Variants in ABI1 observed in about 807,000 individuals in gnomAD.
ABI1 encodes abl interactor 1, also known as Abelson interactor 1.
In ABI1, 14 loss-of-function variants were observed where a neutral mutation model predicts 54.6. The observed-to-expected ratio is 0.26, with a 90% confidence interval of 0.17 to 0.40. ABI1 has a LOEUF of 0.40. Ranked by LOEUF, ABI1 falls within the 10% of genes least tolerant of loss-of-function variation. ABI1 has a pLI of 1.00. For synonymous variants in ABI1, 194 were observed against 209.3 expected (o/e 0.93, Z 0.63); for missense variants, 443 against 598.3 (o/e 0.74, Z 2.71).
At chr10:26,844,822 G>T (rs1168727036) in intron 1 of ABI1, among the ~76,000 whole-genome samples, 1 of 152,156 alleles carries the variant, frequency 6.6e-6, no homozygotes, top group Admixed American at 6.5e-5. Context: ...CTTCACCAAG[G>T]CTTGCTGATT....
intron 9 of ABI1, 58 bp from the exon 10 acceptor site, chr10:26,751,841 A>C: frequency 6.9e-7 from 1 of 1,440,144 alleles, no homozygotes; most frequent in South Asian, 1.4e-5. Context: ...GAAACTTATA[A>C]GTTAACAGAA....
Position 26,828,232 on chromosome 10 carries a change from A to G in ABI1, c.118-4927T>C, listed in dbSNP as rs77644641. 6.0e-4 allele frequency among the ~76,000 whole-genome samples: 92 copies of G among 152,326 alleles called. 8 individuals are homozygous for G. In the East Asian group the frequency reaches 0.017, roughly 29 times the overall value. On this transcript the variant is annotated intron_variant, in intron 1 of 10. Transcript: ENST00000376140. ...GTTGGTGGTACAGTCAGAACATACAACAATTACTAAGTTCACCATCTCACA... is the reference window on the plus strand; with the variant it reads ...GTTGGTGGTACAGTCAGAACATACAGCAATTACTAAGTTCACCATCTCACA...
At chr10:26,812,926 C>A (rs1339591120) in intron 2 of ABI1, among the ~76,000 whole-genome samples, 1 of 152,042 alleles carries the variant, frequency 6.6e-6, no homozygotes, top group Non-Finnish European at 1.5e-5. Context: ...CCAGTAAGTG[C>A]CAAAGAAGAG....
At chr10:26,855,586 C>A (rs369189514) in intron 1 of ABI1, among the ~76,000 whole-genome samples, 1 of 152,162 alleles carries the variant, frequency 6.6e-6, no homozygotes, top group African/African-American at 2.4e-5. Flanking sequence ...CAATGGAGTA[C>A]GTATTCAATA....
At chr10:26,750,791 A>G (rs542697979) in intron 10 of ABI1, among the ~76,000 whole-genome samples, 1 of 152,356 alleles carries the variant, frequency 6.6e-6, no homozygotes, top group East Asian at 1.9e-4. Flanking sequence ...TAAAAACTAG[A>G]AACAGGATTT....
At chr10:26,769,424 A>T (rs1343525551) in intron 5 of ABI1, among the ~76,000 whole-genome samples, 3 of 152,168 alleles carry the variant, frequency 2.0e-5, no homozygotes, top group Non-Finnish European at 2.9e-5. Context: ...ATACATTCTA[A>T]TCATTACTTT....
At chr10:26,761,661 T>TATATATATATATATACACACAC (rs1375832167) in intron 7 of ABI1, among the ~76,000 whole-genome samples, 2 of 78,934 alleles carry the variant, frequency 2.5e-5, no homozygotes, top group Non-Finnish European at 4.7e-5. Flanking sequence ...TATATATATA[T>TATATATATATATATACACACAC]ACACACACAC....
chr10:26,756,825 T>C (rs897007305), intron 8 of ABI1, among the ~76,000 whole-genome samples: 1 of 152,104 alleles, frequency 6.6e-6, no homozygotes, highest in Non-Finnish European at 1.5e-5. Flanking sequence ...AATCAAAAGG[T>C]TGTTTCAATT....
At chr10:26,758,249 A>G (rs1425705525) in intron 8 of ABI1, among the ~76,000 whole-genome samples, 2 of 152,164 alleles carry the variant, frequency 1.3e-5, no homozygotes, top group Non-Finnish European at 2.9e-5. Flanking sequence ...AAGAGCCACA[A>G]AAGCCATGTA....
At chr10:26,839,959 C>A (rs555332226) in intron 1 of ABI1, among the ~76,000 whole-genome samples, 1 of 151,990 alleles carries the variant, frequency 6.6e-6, no homozygotes, top group Admixed American at 6.6e-5. Context: ...GACTGCACTC[C>A]AGCCGGGGTG....
chr10:26,811,790 G>A (rs866790836), intron 2 of ABI1, among the ~76,000 whole-genome samples: 1 of 129,548 alleles, frequency 7.7e-6, no homozygotes, highest in Non-Finnish European at 1.7e-5. Flanking sequence ...TTTATGCAAA[G>A]ATTTGTATAA....
intron 7 of ABI1, among the ~76,000 whole-genome samples, chr10:26,760,708 GGC>G (rs1839011006): frequency 6.6e-6 from 1 of 151,820 alleles, no homozygotes; most frequent in South Asian, 2.1e-4. Context: ...TGGCCATCAT[GGC>G]GAAAACCCGT....
rs117086430 is a variant in ABI1 at position 26,798,470 on chromosome 10, T to C, written c.286-21229A>G. Among the ~76,000 whole-genome samples, 755 of 152,148 alleles carry C rather than the reference T, an allele frequency of 5.0e-3. 5 individuals carry two copies. Among genetic ancestry groups the C allele is most frequent in the Middle Eastern group, 0.014 (4 of 294 alleles). On this transcript the variant is annotated intron_variant, in intron 2 of 10. Coordinates refer to ENST00000376140, the MANE Select transcript of ABI1 (RefSeq NM_001012750.3). ...ATGCGCCAAAAGTGCAGGTGGCCTC[T>C]AGAAGCTGAAAAAAGGCAAGGGAAC...
intron 1 of ABI1, among the ~76,000 whole-genome samples, chr10:26,829,064 A>C (rs2133882621): frequency 6.6e-6 from 1 of 151,698 alleles, no homozygotes; most frequent in South Asian, 2.1e-4. Context: ...ATCTCTACTA[A>C]AAATACAAAA....
At chr10:26,766,704 T>G (rs1839995406) in intron 6 of ABI1, among the ~76,000 whole-genome samples, 1 of 152,222 alleles carries the variant, frequency 6.6e-6, no homozygotes, top group Non-Finnish European at 1.5e-5. Flanking sequence ...TCAATTACTG[T>G]CTTTTTTCCA....
Position 26,751,622 on chromosome 10 carries a change from C to T in ABI1, c.1246G>A (p.Ala416Thr). Residue 416 changes from alanine (A) to threonine (T), a missense_variant, in exon 10 of 11, where the codon GCC (alanine) becomes ACC (threonine). By Grantham distance (58) the Ala-to-Thr change is moderately conservative (BLOSUM62 0). This residue lies in a region of ABI1 where 49 missense variants were observed against 113.5 expected (regional missense o/e 0.43). Coordinates refer to ENST00000376140, the MANE Select transcript of ABI1 (RefSeq NM_001012750.3). ...CCTTTCTCAATATAATTCTTGGGGG[C>T]CCAAGCAGGATCCCCATCTGCATAT... is the stretch of plus-strand genomic sequence containing the variant. Reference protein sequence around the residue: ...DPYADGDPAWAPKNYIEKVVA... With the variant: ...DPYADGDPAWTPKNYIEKVVA... 1.2e-6 allele frequency: 2 copies of T among 1,612,196 alleles called. No individual in the cohort carries two copies. The highest frequency in any genetic ancestry group is 1.7e-6 in the Non-Finnish European group (2 of 1,179,296).
At chr10:26,815,083 G>A (rs2047473398) in intron 2 of ABI1, among the ~76,000 whole-genome samples, 1 of 151,942 alleles carries the variant, frequency 6.6e-6, no homozygotes, top group Non-Finnish European at 1.5e-5. Context: ...ATAAAGCTCT[G>A]AGAGATTTAA....
intron 1 of ABI1, among the ~76,000 whole-genome samples, chr10:26,841,335 T>C (rs960839912): frequency 2.0e-5 from 3 of 151,934 alleles, no homozygotes; most frequent in African/African-American, 7.2e-5. Context: ...ATGGGATTCA[T>C]ATAGAAAGCA....
At chr10:26,804,873 C>G (rs1564521338) in intron 2 of ABI1, among the ~76,000 whole-genome samples, 1 of 152,062 alleles carries the variant, frequency 6.6e-6, no homozygotes, top group Admixed American at 6.6e-5. Context: ...AATAAAGATA[C>G]AGAGATGAAT....
Sources: gnomAD v4.1 joint callset for allele counts (sites outside exome capture counted in the v4.1 genomes callset) on GRCh38, gnomAD v4.1.1 for gene constraint, gnomAD v4.1.1 regional missense constraint, MANE v1.5 for transcripts, NCBI Gene and HGNC (gene_info 2026-07-23, HGNC 2026-07-21) for gene names.